The following DACH1 variants were observed in gnomAD, a reference collection of about 807,000 sequenced individuals.
DACH1 encodes dachshund homolog 1.
In DACH1, 12 loss-of-function variants were observed where a neutral mutation model predicts 54.2. That is an observed-to-expected ratio of 0.22 (90% CI 0.14 to 0.36). The LOEUF (loss-of-function observed/expected upper bound fraction) is 0.36, where lower values mean the gene tolerates loss of function less well. Among genes scored for constraint, DACH1 ranks in the 10% least tolerant of loss-of-function variants. The pLI is 1.00. For synonymous variants in DACH1, 386 were observed against 366.2 expected, an observed-to-expected ratio of 1.05 and a Z score of -0.62; for missense variants, 805 against 929.8, an observed-to-expected ratio of 0.87 and a Z score of 1.75.
chr13:71,782,204 G>T (rs954585052), intron 1 of DACH1, among the ~76,000 whole-genome samples: 2 of 152,170 alleles, frequency 1.3e-5, no homozygotes, highest in African/African-American at 4.8e-5. Flanking sequence ...ACTTTAGGAG[G>T]CCAAGGCAGG....
intron 1 of DACH1, among the ~76,000 whole-genome samples, chr13:71,802,450 G>T (rs897667852): frequency 1.1e-4 from 16 of 151,758 alleles, no homozygotes; most frequent in African/African-American, 3.9e-4. Context: ...ATCTGTTCTG[G>T]TGGAATTAAA....
chr13:71,796,616 A>G (rs1358940771), intron 1 of DACH1, among the ~76,000 whole-genome samples: 1 of 152,116 alleles, frequency 6.6e-6, no homozygotes, highest in Non-Finnish European at 1.5e-5. Context: ...CCGGTAAGCA[A>G]ACAAAAAATA....
chr13:71,493,312 G>A (rs533737949), intron 6 of DACH1, among the ~76,000 whole-genome samples: 2 of 152,174 alleles, frequency 1.3e-5, no homozygotes, highest in South Asian at 4.1e-4. Context: ...GGGACTGAGG[G>A]CCAACCTCAC....
chr13:71,616,261 G>A (rs1227045511), intron 3 of DACH1, among the ~76,000 whole-genome samples: 1 of 152,148 alleles, frequency 6.6e-6, no homozygotes, highest in Non-Finnish European at 1.5e-5. Flanking sequence ...AGAAACTGGA[G>A]CTGTGTGAGG....
chr13:71,866,431 G>C lies in DACH1; in HGVS notation c.339C>G (p.Asn113Lys). 7.1e-7 allele frequency: 1 copy of C among 1,408,742 alleles called. No individual in the cohort carries two copies. 87.3% of individuals were successfully genotyped at this position (1,408,742 alleles called of 1,614,324 possible). A position where few individuals can be genotyped will look rare whatever the true frequency, so the allele number is the denominator to read the frequency against. The change falls in exon 1 of 11, where the codon AAC (asparagine) becomes AAG (lysine). Residue 113 changes from asparagine to lysine, a missense_variant. By Grantham distance (94) the Asn-to-Lys change is moderately conservative. Around this residue, in one of 3 missense-constraint regions of DACH1, gnomAD observed 305 missense variants for 308.7 expected, o/e 0.99. Coordinates refer to ENST00000613252, the MANE Select transcript of DACH1 (RefSeq NM_080759.6). Reference protein sequence around the residue: ...NCNPNLAAASNGSGGGGGGIS... With the variant: ...NCNPNLAAASKGSGGGGGGIS... Reference sequence around the variant, plus strand: ...TGCCGCCGCCGCCGCCGCCGCTGCCGTTGCTCGCGGCCGCCAGGTTGGGGT... The same window carrying C: ...TGCCGCCGCCGCCGCCGCCGCTGCCCTTGCTCGCGGCCGCCAGGTTGGGGT...
chr13:71,760,830 C>T (rs917430359), intron 1 of DACH1, among the ~76,000 whole-genome samples: 3 of 152,142 alleles, frequency 2.0e-5, no homozygotes, highest in East Asian at 1.9e-4. Flanking sequence ...TGGGGATCAT[C>T]ATCTTCACTA....
chr13:71,602,048 T>A (rs549174377), intron 3 of DACH1, among the ~76,000 whole-genome samples: 2 of 152,022 alleles, frequency 1.3e-5, no homozygotes, highest in Admixed American at 1.3e-4. Flanking sequence ...AATTGTTAAT[T>A]GAAGGCACAG....
intron 6 of DACH1, among the ~76,000 whole-genome samples, chr13:71,498,590 C>T (rs1447776168): frequency 6.6e-6 from 1 of 151,338 alleles, no homozygotes; most frequent in Non-Finnish European, 1.5e-5. Context: ...ATTCAAATGG[C>T]ACCTGGTGCT....
intron 3 of DACH1, among the ~76,000 whole-genome samples, chr13:71,626,332 GATTA>G (rs1313866568): frequency 2.6e-5 from 4 of 151,922 alleles, no homozygotes; most frequent in African/African-American, 7.2e-5. Flanking sequence ...AACTGATTGT[GATTA>G]ATTTAGTATT....
intron 6 of DACH1, among the ~76,000 whole-genome samples, chr13:71,505,094 T>C (rs1315548799): frequency 6.6e-6 from 1 of 151,814 alleles, no homozygotes; most frequent in African/African-American, 2.4e-5. Flanking sequence ...TCCTTCCTTC[T>C]TTCTTTCTTT....
At chr13:71,625,544 T>C (rs376083449) in intron 3 of DACH1, among the ~76,000 whole-genome samples, 220 of 152,142 alleles carry the variant, frequency 1.4e-3, no homozygotes, top group African/African-American at 4.9e-3. Context: ...TCCCTTCATA[T>C]ATTTGTTTTG....
chr13:71,496,306 T>TATATATATATATAC (rs1217159359), intron 6 of DACH1, among the ~76,000 whole-genome samples: 12 of 46,100 alleles, frequency 2.6e-4, no homozygotes, highest in East Asian at 8.1e-4. Flanking sequence ...TATATATATA[T>TATATATATATATAC]ACACACACAA....
At chr13:71,728,268 A>G (rs150205527) in intron 1 of DACH1, among the ~76,000 whole-genome samples, 194 of 152,140 alleles carry the variant, frequency 1.3e-3, no homozygotes, top group African/African-American at 4.3e-3. Flanking sequence ...ATTTTACTGT[A>G]TGATACTTGC....
intron 1 of DACH1, among the ~76,000 whole-genome samples, chr13:71,784,640 C>T (rs183265599): frequency 2.6e-5 from 4 of 152,252 alleles, no homozygotes; most frequent in African/African-American, 9.6e-5. Flanking sequence ...TAGAAGTCCA[C>T]TGCCCTCTCC....
chr13:71,667,960 G>A (rs767520656), intron 2 of DACH1, among the ~76,000 whole-genome samples: 2 of 151,886 alleles, frequency 1.3e-5, no homozygotes, highest in South Asian at 2.1e-4. Context: ...ATTTTATTAA[G>A]CAATATAAGA....
chr13:71,828,037 G>A (rs778680043), intron 1 of DACH1, among the ~76,000 whole-genome samples: 7 of 151,932 alleles, frequency 4.6e-5, no homozygotes, highest in Non-Finnish European at 1.0e-4. Context: ...AAGAGGTCCT[G>A]CACCAGAGCT....
chr13:71,635,846 T>A (rs553514315), intron 2 of DACH1, among the ~76,000 whole-genome samples: 1 of 152,250 alleles, frequency 6.6e-6, no homozygotes, highest in East Asian at 1.9e-4. Context: ...AGTAGTGGGA[T>A]CTCGTCTCAC....
At chr13:71,609,234 A>G (rs1875119524) in intron 3 of DACH1, among the ~76,000 whole-genome samples, 1 of 152,140 alleles carries the variant, frequency 6.6e-6, no homozygotes, top group African/African-American at 2.4e-5. Flanking sequence ...AAAAAAATCC[A>G]CATCATCCAT....
rs565183840 is a variant in DACH1, at chr13:71,557,053, T to C, written c.1541A>G (p.His514Arg). 1.2e-6 allele frequency: 2 copies of C among 1,609,094 alleles called. No homozygotes were observed. The highest frequency in any genetic ancestry group is 1.1e-5 in the South Asian group (1 of 90,542). ...TTCAATATGCATCCTTTTTGACTCA[T>C]GTCCCATGTCATGACCGGCCAAATC... Reference protein sequence around the residue: ...EGDLAGHDMGHESKRMHIEKD... With the variant: ...EGDLAGHDMGRESKRMHIEKD... The change falls in exon 6 of 11, where the codon CAT (histidine) becomes CGT (arginine). Residue 514 changes from histidine (H) to arginine (R), a missense_variant. This residue lies in a region of DACH1 where 472 missense variants were observed against 545.3 expected (regional missense o/e 0.87). Coordinates refer to ENST00000613252, the MANE Select transcript of DACH1 (RefSeq NM_080759.6).
Sources: gnomAD v4.1 joint callset for allele counts (sites outside exome capture counted in the v4.1 genomes callset) on GRCh38, gnomAD v4.1.1 for gene constraint, gnomAD v4.1.1 regional missense constraint, MANE v1.5 for transcripts, NCBI Gene and HGNC (gene_info 2026-07-23, HGNC 2026-07-21) for gene names.